The following STK16 variants were observed in gnomAD, a reference collection of about 807,000 sequenced individuals.
STK16 encodes serine/threonine-protein kinase 16.
STK16 carries 28 observed loss-of-function variants against 37.8 expected under a neutral mutation model. The observed-to-expected ratio is 0.74, with a 90% CI of 0.55 to 1.02. The LOEUF is 1.02. STK16 is among the 50% of genes least tolerant of loss of function. The pLI is 0.00. For synonymous variants in STK16, 134 were observed against 155.0 expected (o/e 0.86, Z 1.01); for missense variants, 349 against 390.6 (o/e 0.89, Z 0.90).
intron 4 of STK16, 79 bp from the exon 5 acceptor site, chr2:219,247,336 C>A (rs930422461): frequency 6.2e-7 from 1 of 1,609,058 alleles, no homozygotes; most frequent in African/African-American, 1.3e-5. Flanking sequence ...CAAGAAACAG[C>A]CTGTATGATT....
At position 219,246,891 on chromosome 2, in the gene STK16, TG is replaced by T; in HGVS notation, c.306+17del. Reference sequence around the variant, plus strand: ...CATTCTTCAAGGTCAGAAAGACTCCTGGTTATGGAGGGGGTTGCAGCAGAGC... The same window carrying T: ...CATTCTTCAAGGTCAGAAAGACTCCTGTTATGGAGGGGGTTGCAGCAGAGC... On this transcript the variant is annotated intron_variant, in intron 3 of 7. Transcript: ENST00000396738. The surrounding 1 kb of genome is among the most constrained non-coding windows in gnomAD (Gnocchi z 4.5). The T allele has an allele frequency of 6.3e-7, 1 of 1,599,370 alleles. No individual in the cohort carries two copies. Among genetic ancestry groups the T allele is most frequent in the Non-Finnish European group, 8.5e-7 (1 of 1,169,760 alleles).
Position 219,246,267 on chromosome 2 carries a change from G to A in STK16, c.86+182G>A. 1 of 608,690 alleles carries A rather than the reference G, an allele frequency of 1.6e-6. No homozygotes were observed. The highest frequency in any genetic ancestry group is 2.0e-5 in the South Asian group (1 of 49,694). The allele number at this position is 608,690 out of a possible 1,614,324, so 37.7% of individuals were successfully genotyped here. ...GCCAGGCCTGCTAAATCCACCTCGT[G>A]TGACCTTGATAAACCATGTTTTTTT... On this transcript the variant is annotated intron_variant, in intron 2 of 7. Transcript: ENST00000396738. The surrounding 1 kb of genome is among the most constrained non-coding windows in gnomAD (Gnocchi z 4.5).
chr2:219,246,220 T>A lies in STK16; in HGVS notation c.86+135T>A. 1.4e-6 allele frequency: 1 copy of A among 729,726 alleles called. No individual in the cohort carries two copies. The highest frequency in any genetic ancestry group is 2.3e-6 in the Non-Finnish European group (1 of 443,804). 45.2% of individuals were successfully genotyped at this position (729,726 alleles called of 1,614,324 possible). ...CACCTGACAGAACCTAGCTACACAG[T>A]ATCAAGAAGGTGGATTCTGGAGCCA... On this transcript the variant is annotated intron_variant, in intron 2 of 7. Coordinates refer to ENST00000396738, the MANE Select transcript of STK16 (RefSeq NM_001330213.2). This position sits in a 1 kb window ranked among gnomAD's most constrained non-coding sequence, Gnocchi z 4.5.
Position 219,247,495 on chromosome 2 carries a change from G to A in STK16, c.521G>A (p.Cys174Tyr), listed in dbSNP as rs756488440. The part of the protein sequence containing the change: ...LMDLGSMNQA[C>Y]IHVEGSRQAL... ...GACTTGGGTTCCATGAATCAAGCAT[G>A]CATCCATGTGGAGGGCTCCCGCCAG... The change falls in exon 5 of 8, where the codon TGC (cysteine) becomes TAC (tyrosine). Residue 174 changes from cysteine (C) to tyrosine (Y), a missense_variant. By Grantham distance (194) the Cys-to-Tyr change is radical. Coordinates refer to ENST00000396738, the MANE Select transcript of STK16 (RefSeq NM_001330213.2). The A allele has an allele frequency of 1.7e-5, 27 of 1,614,124 alleles. No homozygotes were observed. In the Admixed American group the frequency reaches 3.3e-4, roughly 20 times the overall value.
chr2:219,250,129 C>T lies in STK16; in HGVS notation c.*1570C>T. The T allele has an allele frequency of 1.5e-6, 1 of 669,306 alleles. No individual in the cohort carries two copies. Among genetic ancestry groups the T allele is most frequent in the Non-Finnish European group, 2.6e-6 (1 of 391,348 alleles). The allele number at this position is 669,306 out of a possible 1,614,324, so 41.5% of individuals were successfully genotyped here. On this transcript the variant is annotated 3_prime_UTR_variant, in exon 8 of 8. Coordinates refer to ENST00000396738, the MANE Select transcript of STK16 (RefSeq NM_001330213.2). This position sits in a 1 kb window ranked among gnomAD's most constrained non-coding sequence, Gnocchi z 8.4. Reference sequence around the variant, plus strand: ...TAACCCTAGGACTTCAATTTAAAGTCCCTGGGGTTATGCTTCCTGGGCCTG... The same window carrying T: ...TAACCCTAGGACTTCAATTTAAAGTTCCTGGGGTTATGCTTCCTGGGCCTG...
At position 219,245,924 on chromosome 2, in the gene STK16, C is replaced by T. The variant is rs1574876476; in HGVS notation, c.-76C>T. 1 of 1,230,974 alleles carries T rather than the reference C, an allele frequency of 8.1e-7. No homozygotes were observed. Among genetic ancestry groups the T allele is most frequent in the East Asian group, 2.4e-5 (1 of 42,018 alleles). The allele number at this position is 1,230,974 out of a possible 1,614,324, so 76.3% of individuals were successfully genotyped here. ...GATCCGCTGGGCCCCCAGCGCATCT[C>T]CTGGAAGAGCCCACTCACCCTGGAC... On this transcript the variant is annotated 5_prime_UTR_variant, in exon 2 of 8. Coordinates refer to ENST00000396738, the MANE Select transcript of STK16 (RefSeq NM_001330213.2).
Position 219,246,014 on chromosome 2 carries a change from G to C in STK16, c.15G>C (p.Leu5=), listed in dbSNP as rs971002555. Reference sequence around the variant, plus strand: ...ACTGAGACATTATGGGCCACGCGCTGTGTGTCTGCTCTCGGGGAACTGTCA... The same window carrying C: ...ACTGAGACATTATGGGCCACGCGCTCTGTGTCTGCTCTCGGGGAACTGTCA... MGHA[L]CVCSRGTVII... is the part of the protein sequence containing the mutation. Residue 5 remains leucine, a synonymous_variant, in exon 2 of 8, where the codon CTG becomes CTC. Transcript: ENST00000396738. This position sits in a 1 kb window ranked among gnomAD's most constrained non-coding sequence, Gnocchi z 4.5. 4 of 1,613,902 alleles carry C rather than the reference G, an allele frequency of 2.5e-6. No homozygotes were observed. The highest frequency in any genetic ancestry group is 2.5e-6 in the Non-Finnish European group (3 of 1,179,906).
chr2:219,247,665 T>C lies in STK16; in HGVS notation c.565T>C (p.Trp189Arg). 4 of 1,611,878 alleles carry C rather than the reference T, an allele frequency of 2.5e-6. No individual in the cohort carries two copies. The highest frequency in any genetic ancestry group is 3.4e-6 in the Non-Finnish European group (4 of 1,178,236). The change falls in exon 6 of 8, where the codon TGG (tryptophan) becomes CGG (arginine). Residue 189 changes from tryptophan to arginine, a missense_variant. Coordinates refer to ENST00000396738, the MANE Select transcript of STK16 (RefSeq NM_001330213.2). ...AGCTCTGGGATCACTGTTCCAGGAC[T>C]GGGCAGCCCAGCGGTGCACCATCTC... ...GSRQALTLQD[W>R]AAQRCTISYR...
At position 219,247,750 on chromosome 2, in the gene STK16, ATGTCTGGGT is replaced by A; in HGVS notation, c.651_657+2del. The A allele has an allele frequency of 6.3e-7, 1 of 1,576,822 alleles. No individual in the cohort carries two copies. Among genetic ancestry groups the A allele is most frequent in the Non-Finnish European group, 8.6e-7 (1 of 1,160,094 alleles). ...CACTGTGTCATCGATGAGCGGACTG[ATGTCTGGGT>A]GAGGAGCATGTGGGTGGGTATCTGG... is the stretch of plus-strand genomic sequence containing the variant. On this transcript the variant is annotated splice_donor_variant and coding_sequence_variant, in exon 6 of 8. Transcript: ENST00000396738. LOFTEE classifies it high-confidence loss of function.
At position 219,245,555 on chromosome 2, in the gene STK16, G is replaced by C. The variant is rs1016156505; in HGVS notation, c.-346G>C. 1 of 155,510 alleles carries C rather than the reference G, an allele frequency of 6.4e-6. No individual in the cohort carries two copies. The highest frequency in any genetic ancestry group is 6.5e-5 in the Admixed American group (1 of 15,418). The allele number at this position is 155,510 out of a possible 1,614,324, so 9.6% of individuals were successfully genotyped here. On this transcript the variant is annotated 5_prime_UTR_variant, in exon 1 of 8. Coordinates refer to ENST00000396738, the MANE Select transcript of STK16 (RefSeq NM_001330213.2). The stretch of plus-strand genomic sequence containing the variant: ...CGGCAGTGCAGATGGCCCATCCCGG[G>C]CTCTGGGCTCCTAGACCGGGGTGGG...
rs1484558397 is a variant in STK16, at chr2:219,246,694, G to A, written c.124G>A (p.Asp42Asn). Residue 42 changes from aspartate (D) to asparagine (N), a missense_variant, in exon 3 of 8, where the codon GAT becomes AAT. Coordinates refer to ENST00000396738, the MANE Select transcript of STK16 (RefSeq NM_001330213.2). This position sits in a 1 kb window ranked among gnomAD's most constrained non-coding sequence, Gnocchi z 4.5. Reference protein sequence around the residue: ...SYVDLVEGLHDGHFYALKRIL... With the variant: ...SYVDLVEGLHNGHFYALKRIL... ...TGTGGACCTAGTGGAAGGGTTACAT[G>A]ATGGACACTTCTACGCCCTGAAGCG... is the stretch of plus-strand genomic sequence containing the variant. The A allele has an allele frequency of 6.2e-7, 1 of 1,614,234 alleles. No homozygotes were observed. The highest frequency in any genetic ancestry group is 8.5e-7 in the Non-Finnish European group (1 of 1,180,050).
chr2:219,247,352 G>T, intron 4 of STK16, 63 bp from the exon 5 acceptor site: 1 of 1,609,518 alleles, frequency 6.2e-7, no homozygotes, highest in Non-Finnish European at 8.5e-7. Context: ...TGATTCTTTT[G>T]CTTGCTGGGA....
rs772271537 is a variant in STK16, at chr2:219,246,480, A to G, written c.87-177A>G. 3.0e-6 allele frequency: 2 copies of G among 667,302 alleles called. No individual in the cohort carries two copies. Among genetic ancestry groups the G allele is most frequent in the Non-Finnish European group, 5.6e-6 (2 of 357,814 alleles). The allele number at this position is 667,302 out of a possible 1,614,324, so 41.3% of individuals were successfully genotyped here. A position where few individuals can be genotyped will look rare whatever the true frequency, so the allele number is the denominator to read the frequency against. ...CGACCATAGGACCTCAAAGATTTCTATATCTCTGCTCCTGAGGAGCTCACG... is the reference window on the plus strand; with the variant it reads ...CGACCATAGGACCTCAAAGATTTCTGTATCTCTGCTCCTGAGGAGCTCACG... On this transcript the variant is annotated intron_variant, in intron 2 of 7. Transcript: ENST00000396738. The surrounding 1 kb of genome is among the most constrained non-coding windows in gnomAD (Gnocchi z 4.5).
chr2:219,245,783 C>T lies in STK16; in HGVS notation c.-118C>T. 1 of 378,182 alleles carries T rather than the reference C, an allele frequency of 2.6e-6. No homozygotes were observed. Among genetic ancestry groups the T allele is most frequent in the Admixed American group, 4.6e-5 (1 of 21,890 alleles). 23.4% of individuals were successfully genotyped at this position (378,182 alleles called of 1,614,324 possible). On this transcript the variant is annotated 5_prime_UTR_variant, in exon 1 of 8. Coordinates refer to ENST00000396738, the MANE Select transcript of STK16 (RefSeq NM_001330213.2). ...CTGGCGACGGAGCAGGGCCTGTTTT[C>T]TCTACACTATAGTGTAGGTTCCAGA...
rs763336504 is a variant in STK16 at position 219,246,114 on chromosome 2, C to G, written c.86+29C>G. ...AGTGTTTGGAAGTCAGTTAACTAGTCCTCAAGTTTATGATCATTGAAGGAC... is the reference window on the plus strand; with the variant it reads ...AGTGTTTGGAAGTCAGTTAACTAGTGCTCAAGTTTATGATCATTGAAGGAC... On this transcript the variant is annotated intron_variant, in intron 2 of 7. Coordinates refer to ENST00000396738, the MANE Select transcript of STK16 (RefSeq NM_001330213.2). The surrounding 1 kb of genome is among the most constrained non-coding windows in gnomAD (Gnocchi z 4.5). The G allele has an allele frequency of 6.3e-7, 1 of 1,592,498 alleles. No individual in the cohort carries two copies. The highest frequency in any genetic ancestry group is 1.3e-5 in the African/African-American group (1 of 74,436).
Position 219,247,231 on chromosome 2 carries a change from A to T in STK16, c.425A>T (p.Lys142Met). The change falls in exon 4 of 8, where the codon AAG (lysine) becomes ATG (methionine). Residue 142 changes from lysine (K) to methionine (M), a missense_variant. By Grantham distance (95) the Lys-to-Met change is moderately conservative. Coordinates refer to ENST00000396738, the MANE Select transcript of STK16 (RefSeq NM_001330213.2). ...AGAGGCCTTGAGGCCATTCATGCCA[A>T]GGGTTATGCCCACAGGTCAGTGGGA... ...ICRGLEAIHA[K>M]GYAHRDLKPT... 5.6e-6 allele frequency: 9 copies of T among 1,614,202 alleles called. No individual in the cohort carries two copies. Among genetic ancestry groups the T allele is most frequent in the Non-Finnish European group, 7.6e-6 (9 of 1,180,024 alleles).
At position 219,246,892 on chromosome 2, in the gene STK16, G is replaced by A. The variant is rs372257860; in HGVS notation, c.306+16G>A. On this transcript the variant is annotated intron_variant, in intron 3 of 7. Transcript: ENST00000396738. This position sits in a 1 kb window ranked among gnomAD's most constrained non-coding sequence, Gnocchi z 4.5. ...ATTCTTCAAGGTCAGAAAGACTCCT[G>A]GTTATGGAGGGGGTTGCAGCAGAGC... 6.3e-7 allele frequency: 1 copy of A among 1,597,198 alleles called. No homozygotes were observed. The highest frequency in any genetic ancestry group is 1.7e-4 in the Middle Eastern group (1 of 5,984).
In STK16 at chr2:219,250,109, C is replaced by G; in HGVS notation, c.*1550C>G. On this transcript the variant is annotated 3_prime_UTR_variant, in exon 8 of 8. Coordinates refer to ENST00000396738, the MANE Select transcript of STK16 (RefSeq NM_001330213.2). This position sits in a 1 kb window ranked among gnomAD's most constrained non-coding sequence, Gnocchi z 8.4. Reference sequence around the variant, plus strand: ...CATTTCCTCCCTATACTGAGTAACCCTAGGACTTCAATTTAAAGTCCCTGG... The same window carrying G: ...CATTTCCTCCCTATACTGAGTAACCGTAGGACTTCAATTTAAAGTCCCTGG... 3.4e-6 allele frequency: 2 copies of G among 586,986 alleles called. No individual in the cohort carries two copies. The highest frequency in any genetic ancestry group is 2.1e-5 in the South Asian group (1 of 48,246). 36.4% of individuals were successfully genotyped at this position (586,986 alleles called of 1,614,324 possible).
intron 4 of STK16, 36 bp downstream of exon 4, chr2:219,247,282 A>T: frequency 3.7e-6 from 6 of 1,612,824 alleles, no homozygotes; most frequent in Non-Finnish European, 5.1e-6. Flanking sequence ...GCTGGGGCCC[A>T]GAGGAAGAGC....
Sources: allele counts gnomAD v4.1 joint callset, GRCh38; gene constraint gnomAD v4.1.1; non-coding constraint Gnocchi (gnomAD v3.1); transcripts MANE v1.5; gene names NCBI Gene and HGNC (gene_info 2026-07-23, HGNC 2026-07-21).